RPAP2: variants seen among roughly 807,000 people sequenced by gnomAD.
The protein encoded by RPAP2 is RNA polymerase II associated protein 2.
A neutral mutation model predicts 73.1 loss-of-function variants in RPAP2; 52 were observed. The ratio of observed to expected loss-of-function variants is 0.71; its 90% confidence interval spans 0.57 to 0.90. The LOEUF (loss-of-function observed/expected upper bound fraction) is 0.90. RPAP2 is among the 40% of genes least tolerant of loss of function. RPAP2 has a pLI of 0.00. For missense variants in RPAP2, 598 were observed against 701.8 expected, an observed-to-expected ratio of 0.85 and a Z score of 1.67; for synonymous variants, 225 against 242.1, an observed-to-expected ratio of 0.93 and a Z score of 0.65.
At chr1:92,347,024 A>T (rs1653937787) in intron 11 of RPAP2, among the ~76,000 whole-genome samples, 1 of 152,120 alleles carries the variant, frequency 6.6e-6, no homozygotes, top group South Asian at 2.1e-4. Context: ...CTGACATGTT[A>T]TTCTGGCTTT....
chr1:92,346,667 AAAATCTGACAG>A (rs1653920596), intron 11 of RPAP2, among the ~76,000 whole-genome samples: 1 of 152,216 alleles, frequency 6.6e-6, no homozygotes, highest in African/African-American at 2.4e-5. Context: ...GTACATTTTT[AAAATCTGACAG>A]GTTTAAAGGA....
In RPAP2 at chr1:92,381,240, G is replaced by C. The variant is rs115680317; in HGVS notation, c.1838+367G>C. 5.7e-3 allele frequency among the ~76,000 whole-genome samples: 861 copies of C among 152,236 alleles called. 7 individuals are homozygous for C. Among genetic ancestry groups the C allele is most frequent in the African/African-American group, 0.018 (754 of 41,534 alleles). ...CTCGGCTACTGCAGTGATCCATTGT[G>C]AACATCCTCATCCTACTGCCCCTTT... On this transcript the variant is annotated intron_variant, in intron 12 of 12. Transcript: ENST00000610020.
At chr1:92,342,675 G>A (rs1318394421) in intron 10 of RPAP2, among the ~76,000 whole-genome samples, 1 of 152,210 alleles carries the variant, frequency 6.6e-6, no homozygotes, top group Non-Finnish European at 1.5e-5. Flanking sequence ...TGTGACTGAA[G>A]AGAAAGCAGT....
chr1:92,304,407 C>G (rs1651065290), intron 5 of RPAP2, 58 bp downstream of exon 5: 1 of 890,194 alleles, frequency 1.1e-6, no homozygotes, highest in Non-Finnish European at 1.7e-6. Context: ...AACCACTATC[C>G]TAACAAGGCA....
rs531745273 is a variant in RPAP2 at position 92,304,049 on chromosome 1, C to A, written c.307C>A (p.Pro103Thr). ...TTCTATTGTCAAACTCTGTGGTTAT[C>A]CTTTATGTCAGAAGAAGCTGGGAAT... ...ERSIVKLCGY[P>T]LCQKKLGIVP... Residue 103 changes from proline (P) to threonine (T), a missense_variant, in exon 4 of 13, where the codon CCT becomes ACT. Transcript: ENST00000610020. The A allele has an allele frequency of 6.2e-7, 1 of 1,611,886 alleles. No individual in the cohort carries two copies. Among genetic ancestry groups the A allele is most frequent in the Non-Finnish European group, 8.5e-7 (1 of 1,179,062 alleles).
chr1:92,371,972 T>TATC (rs940176468), intron 11 of RPAP2, among the ~76,000 whole-genome samples: 1 of 151,994 alleles, frequency 6.6e-6, no homozygotes, highest in Non-Finnish European at 1.5e-5. Context: ...TAGCCATTAT[T>TATC]ATCATCATCA....
At chr1:92,312,809 T>A (rs1368586502) in intron 6 of RPAP2, among the ~76,000 whole-genome samples, 2 of 151,920 alleles carry the variant, frequency 1.3e-5, no homozygotes, top group East Asian at 3.9e-4. Flanking sequence ...TCCCAAATGT[T>A]CTTTTTTTTT....
At chr1:92,306,584 A>C (rs1651250681) in intron 5 of RPAP2, among the ~76,000 whole-genome samples, 1 of 152,176 alleles carries the variant, frequency 6.6e-6, no homozygotes, top group South Asian at 2.1e-4. Flanking sequence ...AGAAGTGGCT[A>C]GGTACGGTGG....
intron 11 of RPAP2, among the ~76,000 whole-genome samples, chr1:92,366,422 A>G (rs1278154881): frequency 6.6e-6 from 1 of 152,218 alleles, no homozygotes; most frequent in African/African-American, 2.4e-5. Flanking sequence ...GCAAAGTACC[A>G]CAAAGTAGTT....
chr1:92,312,289 C>G (rs1219322188), intron 6 of RPAP2, among the ~76,000 whole-genome samples: 2 of 151,916 alleles, frequency 1.3e-5, no homozygotes, highest in East Asian at 3.9e-4. Flanking sequence ...TGGTGGCACA[C>G]AACTGTAGTC....
At chr1:92,360,050 CAT>C (rs1187112449) in intron 11 of RPAP2, among the ~76,000 whole-genome samples, 1 of 152,182 alleles carries the variant, frequency 6.6e-6, no homozygotes, top group Non-Finnish European at 1.5e-5. Flanking sequence ...TCTGTAAAAA[CAT>C]ATACTTTGCC....
chr1:92,351,278 G>T (rs2101338239), intron 11 of RPAP2, among the ~76,000 whole-genome samples: 1 of 126,022 alleles, frequency 7.9e-6, no homozygotes. Flanking sequence ...CTGCACTCCA[G>T]CCTGGTGACC....
At position 92,369,925 on chromosome 1, in the gene RPAP2, C is replaced by A. The variant is rs572461751; in HGVS notation, c.1689-10799C>A. On this transcript the variant is annotated intron_variant, in intron 11 of 12. Coordinates refer to ENST00000610020, the MANE Select transcript of RPAP2 (RefSeq NM_024813.3). The stretch of plus-strand genomic sequence containing the variant: ...GTGAGACAAGAGTCTTGCTCTGTCA[C>A]CCAGGCTGGAGTGCAGTGGTGCGAT... Among the ~76,000 whole-genome samples, 646 of 152,276 alleles carry A rather than the reference C, an allele frequency of 4.2e-3. 4 individuals carry two copies. The highest frequency in any genetic ancestry group is 0.015 in the African/African-American group (621 of 41,560).
intron 10 of RPAP2, among the ~76,000 whole-genome samples, chr1:92,341,871 C>T (rs1653612460): frequency 6.6e-6 from 1 of 152,234 alleles, no homozygotes; most frequent in African/African-American, 2.4e-5. Context: ...TCTCAAACTG[C>T]TGACCTCATG....
At chr1:92,346,284 C>G (rs1052057340) in intron 11 of RPAP2, among the ~76,000 whole-genome samples, 14 of 152,022 alleles carry the variant, frequency 9.2e-5, no homozygotes, top group Admixed American at 2.6e-4. Context: ...CCACCTCAGC[C>G]TCTCTAGTGG....
At chr1:92,386,954 G>C in intron 12 of RPAP2, 57 bp from the exon 13 acceptor site, 1 of 1,496,092 alleles carries the variant, frequency 6.7e-7, no homozygotes, top group East Asian at 2.3e-5. Context: ...CTCATGATCT[G>C]CCTGCCTTGG....
chr1:92,387,142 A>T lies in RPAP2; in HGVS notation c.*131A>T. 1 of 895,586 alleles carries T rather than the reference A, an allele frequency of 1.1e-6. No homozygotes were observed. The highest frequency in any genetic ancestry group is 1.6e-6 in the Non-Finnish European group (1 of 611,604). The allele number at this position is 895,586 out of a possible 1,614,324, so 55.5% of individuals were successfully genotyped here. ...ACATACCTTTACCTCTTTAAGTTTCAATCTCCCATCTCCCAGTCCTTCAGT... is the reference window on the plus strand; with the variant it reads ...ACATACCTTTACCTCTTTAAGTTTCTATCTCCCATCTCCCAGTCCTTCAGT... On this transcript the variant is annotated 3_prime_UTR_variant, in exon 13 of 13. Coordinates refer to ENST00000610020, the MANE Select transcript of RPAP2 (RefSeq NM_024813.3).
rs776315241 is a variant in RPAP2 at position 92,393,252 on chromosome 1, T to A, written c.*6241T>A. 3 of 152,128 alleles carry A rather than the reference T, an allele frequency of 2.0e-5. No homozygotes were observed. Among genetic ancestry groups the A allele is most frequent in the Admixed American group, 6.5e-5 (1 of 15,278 alleles). 9.4% of individuals were successfully genotyped at this position (152,128 alleles called of 1,614,324 possible). A position where few individuals can be genotyped will look rare whatever the true frequency, so the allele number is the denominator to read the frequency against. On this transcript the variant is annotated 3_prime_UTR_variant, in exon 13 of 13. Coordinates refer to ENST00000610020, the MANE Select transcript of RPAP2 (RefSeq NM_024813.3). The stretch of plus-strand genomic sequence containing the variant: ...GGGAAAAGATTCCCTATTTAATAAA[T>A]GGTGTTGGGAAAACGGGCTAGCCAT...
Position 92,401,282 on chromosome 1 carries a change from C to T in RPAP2, c.*14271C>T, listed in dbSNP as rs533388195. The T allele has an allele frequency of 6.6e-5, 10 of 152,332 alleles. No individual in the cohort carries two copies. The highest frequency in any genetic ancestry group is 2.4e-4 in the African/African-American group (10 of 41,584). 9.4% of individuals were successfully genotyped at this position (152,332 alleles called of 1,614,324 possible). On this transcript the variant is annotated 3_prime_UTR_variant, in exon 13 of 13. Transcript: ENST00000610020. Reference sequence around the variant, plus strand: ...TCAATAAAAGCAGCAAACACACATACTTTGCTTTCCTTGTGATTAATGCCT... The same window carrying T: ...TCAATAAAAGCAGCAAACACACATATTTTGCTTTCCTTGTGATTAATGCCT...
Sources: gnomAD v4.1 joint callset for allele counts (sites outside exome capture counted in the v4.1 genomes callset) on GRCh38, gnomAD v4.1.1 for gene constraint, MANE v1.5 for transcripts, NCBI Gene and HGNC (gene_info 2026-07-23, HGNC 2026-07-21) for gene names.